The following ZNF362 variants were observed in gnomAD, a reference collection of about 807,000 sequenced individuals.
ZNF362 encodes the protein rotund homolog.
In ZNF362, 11 loss-of-function variants were observed where a neutral mutation model predicts 42.9. The ratio of observed to expected loss-of-function variants is 0.26; its 90% CI spans 0.16 to 0.42. The LOEUF (loss-of-function observed/expected upper bound fraction) is 0.42. Among genes scored for constraint, ZNF362 ranks in the 20% least tolerant of loss-of-function variants. The pLI, the probability that ZNF362 is intolerant of heterozygous loss-of-function variation, is 1.00. For missense variants in ZNF362, 362 were observed against 576.2 expected, an observed-to-expected ratio of 0.63 and a Z score of 3.81; for synonymous variants, 255 against 257.3, an observed-to-expected ratio of 0.99 and a Z score of 0.09.
chr1:33,254,803 C>G (rs556372969), upstream of ZNF362, among the ~76,000 whole-genome samples: 5 of 152,242 alleles, frequency 3.3e-5, no homozygotes, highest in South Asian at 6.2e-4. Flanking sequence ...GAGTGATGCT[C>G]CCCCTCCCTG....
At chr1:33,201,509 T>G in the ZNF362 span, among the ~76,000 whole-genome samples, 1 of 152,212 alleles carries the variant, frequency 6.6e-6, no homozygotes, top group Non-Finnish European at 1.5e-5. Context: ...TCTGCAAGTA[T>G]TTAGAAACTG....
At chr1:33,225,734 A>C in the ZNF362 span, among the ~76,000 whole-genome samples, 1 of 152,220 alleles carries the variant, frequency 6.6e-6, no homozygotes, top group Non-Finnish European at 1.5e-5. Context: ...CACATAAGTC[A>C]TCCAGAGGCA....
At chr1:33,182,851 C>T in the ZNF362 span, among the ~76,000 whole-genome samples, 1 of 151,862 alleles carries the variant, frequency 6.6e-6, no homozygotes, top group Non-Finnish European at 1.5e-5. Flanking sequence ...GGCTGGAGGG[C>T]ATTGTGGGTC....
chr1:33,281,205 C>T lies in ZNF362; in HGVS notation c.684-382C>T, dbSNP rs1054487400. On this transcript the variant is annotated intron_variant, in intron 5 of 8. Coordinates refer to ENST00000539719, the MANE Select transcript of ZNF362 (RefSeq NM_152493.3). The surrounding 1 kb of genome is among the most constrained non-coding windows in gnomAD (Gnocchi z 4.8). ...TGGAAAGTATGGAGGGTGGGGCAGG[C>T]GTTGGTATTTCTTAGACGCTCCCCA... 3.9e-5 allele frequency among the ~76,000 whole-genome samples: 6 copies of T among 152,230 alleles called. No individual in the cohort carries two copies. The highest frequency in any genetic ancestry group is 3.9e-4 in the East Asian group (2 of 5,182).
intron 6 of ZNF362, among the ~76,000 whole-genome samples, chr1:33,291,034 A>T (rs1481763301): frequency 6.6e-6 from 1 of 152,120 alleles, no homozygotes; most frequent in Non-Finnish European, 1.5e-5. Flanking sequence ...CTCTGATGGT[A>T]GTTTCTTTTG....
chr1:33,245,191 G>A, the ZNF362 span, among the ~76,000 whole-genome samples: 63 of 152,302 alleles, frequency 4.1e-4, 2 homozygotes, highest in African/African-American at 1.4e-3. Context: ...GGGTCTGACC[G>A]ATGACCCTTC....
the ZNF362 span, among the ~76,000 whole-genome samples, chr1:33,231,365 G>GT: frequency 7.1e-4 from 108 of 152,272 alleles, no homozygotes; most frequent in African/African-American, 2.5e-3. Context: ...CATCTCATTT[G>GT]TTTTTTCTAC....
chr1:33,237,830 G>A, the ZNF362 span, among the ~76,000 whole-genome samples: 10 of 152,172 alleles, frequency 6.6e-5, no homozygotes, highest in African/African-American at 2.4e-4. Context: ...GCTGAGGACA[G>A]GGAAACCTCG....
chr1:33,255,635 G>A (rs1314663039), upstream of ZNF362, among the ~76,000 whole-genome samples: 2 of 152,174 alleles, frequency 1.3e-5, no homozygotes, highest in South Asian at 2.1e-4. Context: ...GGGACAGCCG[G>A]TGCCACCTCT....
At chr1:33,136,168 T>TTCCC in the ZNF362 span, among the ~76,000 whole-genome samples, 2 of 130,072 alleles carry the variant, frequency 1.5e-5, no homozygotes, top group Non-Finnish European at 3.3e-5. Context: ...CCTTCCTTCC[T>TTCCC]TCCTTCCCTC....
At chr1:33,292,367 C>A (rs895201274) in intron 6 of ZNF362, among the ~76,000 whole-genome samples, 1 of 152,194 alleles carries the variant, frequency 6.6e-6, no homozygotes, top group African/African-American at 2.4e-5. Context: ...TGCTGGATTA[C>A]ATTTATTGAT....
chr1:33,242,473 A>G, the ZNF362 span, among the ~76,000 whole-genome samples: 1 of 152,148 alleles, frequency 6.6e-6, no homozygotes, highest in African/African-American at 2.4e-5. Flanking sequence ...GCATCACTTT[A>G]TACCCCATAA....
chr1:33,196,444 G>C, the ZNF362 span, among the ~76,000 whole-genome samples: 3 of 151,980 alleles, frequency 2.0e-5, no homozygotes, highest in Admixed American at 2.0e-4. Flanking sequence ...CATTAGCCTA[G>C]GCCCACACAG....
At chr1:33,261,554 C>T (rs184675035) in intron 1 of ZNF362, 73 of 152,294 alleles carry the variant, frequency 4.8e-4, no homozygotes, top group African/African-American at 1.7e-3. Context: ...CATGAACCCT[C>T]AGGATTTCTG....
At chr1:33,184,385 A>G in the ZNF362 span, among the ~76,000 whole-genome samples, 3 of 152,232 alleles carry the variant, frequency 2.0e-5, no homozygotes, top group Non-Finnish European at 4.4e-5. Context: ...CTGTTCTTCT[A>G]TGTAGTAGAG....
chr1:33,225,253 C>G, the ZNF362 span, among the ~76,000 whole-genome samples: 1 of 152,102 alleles, frequency 6.6e-6, no homozygotes, highest in Non-Finnish European at 1.5e-5. Flanking sequence ...CCTTAGCCAC[C>G]CCTTTGAAAT....
the ZNF362 span, among the ~76,000 whole-genome samples, chr1:33,241,575 T>C: frequency 1.3e-4 from 19 of 150,636 alleles, no homozygotes; most frequent in East Asian, 2.7e-3. Context: ...AATAAACAAA[T>C]AAATAAATAT....
At chr1:33,138,565 T>C in the ZNF362 span, among the ~76,000 whole-genome samples, 1 of 149,390 alleles carries the variant, frequency 6.7e-6, no homozygotes, top group Non-Finnish European at 1.5e-5. Flanking sequence ...GGCACTGTGA[T>C]CGTGCCACTG....
chr1:33,136,050 T>C, the ZNF362 span, among the ~76,000 whole-genome samples: 1 of 151,650 alleles, frequency 6.6e-6, no homozygotes, highest in South Asian at 2.1e-4. Context: ...AACATGGCCT[T>C]CTCTTCTTGA....
Sources: allele counts gnomAD v4.1 joint callset (sites outside exome capture counted in the v4.1 genomes callset), GRCh38; gene constraint gnomAD v4.1.1; non-coding constraint Gnocchi (gnomAD v3.1); transcripts MANE v1.5; gene names NCBI Gene and HGNC (gene_info 2026-07-23, HGNC 2026-07-21).